Variants in KIF13A observed in about 807,000 individuals in gnomAD.
KIF13A encodes the protein kinesin-like protein KIF13A.
A neutral mutation model predicts 212.2 loss-of-function variants in KIF13A; 79 were observed. That is an observed-to-expected ratio of 0.37 (90% CI 0.31 to 0.45). The LOEUF is 0.45. Among genes scored for constraint, KIF13A ranks in the 20% least tolerant of loss-of-function variants. The pLI is 1.00. For missense variants in KIF13A, 1,901 were observed against 2,209.0 expected, an observed-to-expected ratio of 0.86 and a Z score of 2.79; for synonymous variants, 789 against 808.6, an observed-to-expected ratio of 0.98 and a Z score of 0.41.
chr6:17,875,007 A>G (rs1348684069), intron 3 of KIF13A, among the ~76,000 whole-genome samples: 1 of 141,782 alleles, frequency 7.1e-6, no homozygotes, highest in Admixed American at 7.1e-5. Flanking sequence ...ACGCACGCAC[A>G]CACACACACA....
chr6:17,924,611 A>T (rs6924302), intron 2 of KIF13A, among the ~76,000 whole-genome samples: 1 of 152,046 alleles, frequency 6.6e-6, no homozygotes, highest in Non-Finnish European at 1.5e-5. Flanking sequence ...TTACATTTAT[A>T]TTGCACTAAA....
chr6:17,860,443 C>A (rs1768643402), intron 4 of KIF13A, among the ~76,000 whole-genome samples: 1 of 152,148 alleles, frequency 6.6e-6, no homozygotes, highest in Non-Finnish European at 1.5e-5. Flanking sequence ...CCTGCCTTGG[C>A]CTCCCAAAGT....
In KIF13A at chr6:17,951,628, TC is replaced by T. The variant is rs1360808521; in HGVS notation, c.146+35425del. 6.6e-6 allele frequency among the ~76,000 whole-genome samples: 1 copy of T among 150,948 alleles called. No individual in the cohort carries two copies. Reference sequence around the variant, plus strand: ...GCAGTCACTCTCCATTTCCCCCAATTCCCCCAAGCCTAGGCAACCATTAATC... The same window carrying T: ...GCAGTCACTCTCCATTTCCCCCAATTCCCCAAGCCTAGGCAACCATTAATC... On this transcript the variant is annotated intron_variant, in intron 2 of 38. Coordinates refer to ENST00000259711, the MANE Select transcript of KIF13A (RefSeq NM_022113.6). The surrounding 1 kb of genome is among the most constrained non-coding windows in gnomAD (Gnocchi z 4.9).
At chr6:17,868,989 CAAAAAAAAAAAAAA>C (rs71002278) in intron 4 of KIF13A, among the ~76,000 whole-genome samples, 639 of 20,960 alleles carry the variant, frequency 0.03, 16 homozygotes, top group African/African-American at 0.081. Flanking sequence ...GACTCCCTCT[CAAAAAAAAAAAAAA>C]AAAAAAAAAA....
chr6:17,984,246 C>T lies in KIF13A; in HGVS notation c.146+2808G>A, dbSNP rs1781356583. Among the ~76,000 whole-genome samples the T allele has an allele frequency of 6.6e-6, 1 of 152,204 alleles. No individual in the cohort carries two copies. On this transcript the variant is annotated intron_variant, in intron 2 of 38. Transcript: ENST00000259711. This position sits in a 1 kb window ranked among gnomAD's most constrained non-coding sequence, Gnocchi z 5.0. ...TTTTTCCTCTCTCTCCTCCTTCTCT[C>T]CAAGGTGAGTGACTCTGGTGTAGGT...
At chr6:17,975,555 A>T (rs564525261) in intron 2 of KIF13A, among the ~76,000 whole-genome samples, 1 of 152,192 alleles carries the variant, frequency 6.6e-6, no homozygotes, top group Non-Finnish European at 1.5e-5. Flanking sequence ...AAGAAAAAAA[A>T]GCTTCCAGTA....
intron 2 of KIF13A, among the ~76,000 whole-genome samples, chr6:17,921,276 T>C (rs749008956): frequency 6.6e-6 from 1 of 152,236 alleles, no homozygotes; most frequent in Non-Finnish European, 1.5e-5. Context: ...AACTTTATTT[T>C]ACTGCAGAGA....
Position 17,804,427 on chromosome 6 carries a change from G to C in KIF13A, c.2388C>G (p.Phe796Leu). 13 of 1,569,138 alleles carry C rather than the reference G, an allele frequency of 8.3e-6. No homozygotes were observed. Among genetic ancestry groups the C allele is most frequent in the Non-Finnish European group, 1.1e-5 (13 of 1,156,160 alleles). ...TCACATCACAGAAGAGGCATTCCAA[G>C]AATACATTCGCCACCCCGATGAGGT... Reference protein sequence around the residue: ...NHNLIGVANVFLECLFCDVKL... With the variant: ...NHNLIGVANVLLECLFCDVKL... The change falls in exon 20 of 39, where the codon TTC (phenylalanine) becomes TTG (leucine). Residue 796 changes from phenylalanine (F) to leucine (L), a missense_variant. Physicochemically the swap from Phe to Leu is conservative, Grantham distance 22 (BLOSUM62 0). Coordinates refer to ENST00000259711, the MANE Select transcript of KIF13A (RefSeq NM_022113.6).
At chr6:17,819,090 C>A (rs931871392) in intron 16 of KIF13A, among the ~76,000 whole-genome samples, 1 of 150,626 alleles carries the variant, frequency 6.6e-6, no homozygotes, top group African/African-American at 2.4e-5. Flanking sequence ...AGCTCCACCT[C>A]CCAGGTTCAA....
At chr6:17,807,730 C>G (rs1427826722) in intron 18 of KIF13A, among the ~76,000 whole-genome samples, 3 of 152,018 alleles carry the variant, frequency 2.0e-5, no homozygotes, top group Non-Finnish European at 2.9e-5. Flanking sequence ...CTTTTGAAAC[C>G]CTCAATAAAA....
rs1350105942 is a variant in KIF13A, at chr6:17,971,110, T to TAAGGG, written c.146+15939_146+15943dup. Among the ~76,000 whole-genome samples, 2 of 152,208 alleles carry TAAGGG rather than the reference T, an allele frequency of 1.3e-5. No homozygotes were observed. Among genetic ancestry groups the TAAGGG allele is most frequent in the East Asian group, 3.9e-4 (2 of 5,182 alleles). On this transcript the variant is annotated intron_variant, in intron 2 of 38. Coordinates refer to ENST00000259711, the MANE Select transcript of KIF13A (RefSeq NM_022113.6). This position sits in a 1 kb window ranked among gnomAD's most constrained non-coding sequence, Gnocchi z 4.2. ...CAAATAACAGAGACTGGTCAATTTT[T>TAAGGG]AAGGGAAAATATCCTTTAATGATTC... is the stretch of plus-strand genomic sequence containing the variant.
In KIF13A at chr6:17,971,428, T is replaced by C. The variant is rs1779795865; in HGVS notation, c.146+15626A>G. On this transcript the variant is annotated intron_variant, in intron 2 of 38. Transcript: ENST00000259711. This position sits in a 1 kb window ranked among gnomAD's most constrained non-coding sequence, Gnocchi z 4.2. ...AAAATTTAGTAGCGGTTTGTTTTTT[T>C]CCTTTTTTTTTGACACAGGGTCTCA... Among the ~76,000 whole-genome samples the C allele has an allele frequency of 6.6e-6, 1 of 152,268 alleles. No homozygotes were observed. The highest frequency in any genetic ancestry group is 3.4e-3 in the Middle Eastern group (1 of 294).
At chr6:17,830,650 A>G (rs1243790994) in intron 13 of KIF13A, among the ~76,000 whole-genome samples, 1 of 152,228 alleles carries the variant, frequency 6.6e-6, no homozygotes, top group Non-Finnish European at 1.5e-5. Flanking sequence ...TAGACCTAGA[A>G]GAACATTGTT....
At position 17,883,618 on chromosome 6, in the gene KIF13A, C is replaced by T. The variant is rs1771280716; in HGVS notation, c.160-10181G>A. On this transcript the variant is annotated intron_variant, in intron 3 of 38. Coordinates refer to ENST00000259711, the MANE Select transcript of KIF13A (RefSeq NM_022113.6). The surrounding 1 kb of genome is among the most constrained non-coding windows in gnomAD (Gnocchi z 4.8). Reference sequence around the variant, plus strand: ...GTTTACTGGATTCCCACTGCTTTCCCAAAAAGACATAAGAAATGACCCTAT... The same window carrying T: ...GTTTACTGGATTCCCACTGCTTTCCTAAAAAGACATAAGAAATGACCCTAT... Among the ~76,000 whole-genome samples the T allele has an allele frequency of 6.6e-6, 1 of 152,138 alleles. No individual in the cohort carries two copies. Among genetic ancestry groups the T allele is most frequent in the Admixed American group, 6.5e-5 (1 of 15,270 alleles).
chr6:17,987,101 ATTCCC>A lies in KIF13A; in HGVS notation c.94_98del (p.Gly32SerfsTer10). 6.2e-7 allele frequency: 1 copy of A among 1,613,670 alleles called. No individual in the cohort carries two copies. Among genetic ancestry groups the A allele is most frequent in the Non-Finnish European group, 8.5e-7 (1 of 1,179,680 alleles). On this transcript the variant is annotated frameshift_variant, in exon 2 of 39. Transcript: ENST00000259711. LOFTEE classifies it high-confidence loss of function. This position sits in a 1 kb window ranked among gnomAD's most constrained non-coding sequence, Gnocchi z 7.7. ...AAGGAGGAGGGTGCAGGACCGTTTG[ATTCCC>A]TTCCATCTCCACCACGCACTTGGTG...
rs1712721719 is a variant in KIF13A, at chr6:17,768,138, A to G, written c.4581+2976T>C. Among the ~76,000 whole-genome samples, 1 of 152,180 alleles carries G rather than the reference A, an allele frequency of 6.6e-6. No individual in the cohort carries two copies. Among genetic ancestry groups the G allele is most frequent in the South Asian group, 2.1e-4 (1 of 4,830 alleles). On this transcript the variant is annotated intron_variant, in intron 38 of 38. Coordinates refer to ENST00000259711, the MANE Select transcript of KIF13A (RefSeq NM_022113.6). The surrounding 1 kb of genome is among the most constrained non-coding windows in gnomAD (Gnocchi z 5.4). ...GAGGATTTAATTGGCTTAAACTCAT[A>G]TTTTTGAGGGAGTTTGGTTTAGATT...
intron 32 of KIF13A, 90 bp downstream of exon 32, chr6:17,779,502 C>A (rs2150304820): frequency 1.8e-6 from 1 of 566,574 alleles, no homozygotes; most frequent in Non-Finnish European, 3.2e-6. Context: ...GAACTCCCGA[C>A]CTCAGGTGAT....
At chr6:17,986,095 TGAA>T (rs1781529952) in intron 2 of KIF13A, among the ~76,000 whole-genome samples, 1 of 152,216 alleles carries the variant, frequency 6.6e-6, no homozygotes, top group African/African-American at 2.4e-5. Flanking sequence ...TGAAAATCTC[TGAA>T]GAAGGAAATT....
intron 19 of KIF13A, 136 bp from the exon 20 acceptor site, chr6:17,804,646 A>G (rs1423703478): frequency 6.3e-6 from 6 of 954,894 alleles, no homozygotes; most frequent in Non-Finnish European, 9.0e-6. Flanking sequence ...TTATAATGTC[A>G]CATAAATAAA....
Sources: gnomAD v4.1 joint callset for allele counts (sites outside exome capture counted in the v4.1 genomes callset) on GRCh38, gnomAD v4.1.1 for gene constraint, Gnocchi (gnomAD v3.1) non-coding constraint, MANE v1.5 for transcripts, NCBI Gene and HGNC (gene_info 2026-07-23, HGNC 2026-07-21) for gene names.